STARD3: variants seen among roughly 807,000 people sequenced by gnomAD.
STARD3 encodes stAR-related lipid transfer protein 3.
In STARD3, 39 loss-of-function variants were observed where a neutral mutation model predicts 62.0. The observed-to-expected ratio is 0.63, with a 90% CI of 0.49 to 0.82. STARD3 has a LOEUF of 0.82. STARD3 is among the 40% of genes least tolerant of loss of function. STARD3 has a pLI of 0.00. For synonymous variants in STARD3, 229 were observed against 242.4 expected (o/e 0.94, Z 0.51); for missense variants, 543 against 584.5 (o/e 0.93, Z 0.73).
chr17:39,662,757 T>A, intron 14 of STARD3, 47 bp from the exon 15 acceptor site: 1 of 1,539,720 alleles, frequency 6.5e-7, no homozygotes, highest in Non-Finnish European at 8.8e-7. Flanking sequence ...GGGGAGACCC[T>A]GCTGAGGGCA....
chr17:39,661,075 A>G lies in STARD3; in HGVS notation c.1129A>G (p.Lys377Glu), dbSNP rs147310768. 91 of 1,613,414 alleles carry G rather than the reference A, an allele frequency of 5.6e-5. No individual in the cohort carries two copies. The highest frequency in any genetic ancestry group is 7.4e-5 in the Non-Finnish European group (87 of 1,180,002). The change falls in exon 13 of 15, where the codon AAA (lysine) becomes GAA (glutamate). Residue 377 changes from lysine to glutamate, a missense_variant. Transcript: ENST00000336308. ...TSHSAKPPTH[K>E]YVRGENGPGG... ...ACACAGTGCCAAGCCCCCGACGCACAAATATGTCCGGTGAGCCTCACTTTG... is the reference window on the plus strand; with the variant it reads ...ACACAGTGCCAAGCCCCCGACGCACGAATATGTCCGGTGAGCCTCACTTTG...
At chr17:39,662,778 T>C in intron 14 of STARD3, 26 bp from the exon 15 acceptor site, 3 of 1,592,182 alleles carry the variant, frequency 1.9e-6, no homozygotes, top group South Asian at 1.1e-5. Flanking sequence ...GGCCATCAAG[T>C]GTGACTTCTG....
intron 1 of STARD3, among the ~76,000 whole-genome samples, chr17:39,644,362 A>T (rs1393997367): frequency 2.6e-5 from 4 of 152,108 alleles, no homozygotes; most frequent in Admixed American, 2.0e-4. Context: ...GTGGTAGTTA[A>T]TGTCTATGTG....
At chr17:39,647,220 C>A (rs920909225) in intron 1 of STARD3, among the ~76,000 whole-genome samples, 53 of 149,752 alleles carry the variant, frequency 3.5e-4, no homozygotes, top group African/African-American at 1.2e-3. Context: ...AAAAAAAAAA[C>A]CCTCCACTTT....
At chr17:39,658,212 G>T in intron 5 of STARD3, 186 bp downstream of exon 5, 1 of 844,048 alleles carries the variant, frequency 1.2e-6, no homozygotes. Context: ...GCCCCTTGCA[G>T]CTCTAGGAAT....
At chr17:39,639,521 C>A (rs188344108) in intron 1 of STARD3, among the ~76,000 whole-genome samples, 83 of 152,330 alleles carry the variant, frequency 5.4e-4, no homozygotes, top group African/African-American at 1.9e-3. Context: ...CTGGAGTGGG[C>A]TCAGAGATCA....
In STARD3 at chr17:39,661,062, GC is replaced by G; in HGVS notation, c.1121del (p.Pro374ArgfsTer121). 1.2e-6 allele frequency: 2 copies of G among 1,613,646 alleles called. No homozygotes were observed. The highest frequency in any genetic ancestry group is 1.3e-5 in the African/African-American group (1 of 75,038). On this transcript the variant is annotated frameshift_variant, in exon 13 of 15. Coordinates refer to ENST00000336308, the MANE Select transcript of STARD3 (RefSeq NM_006804.4). LOFTEE classifies it high-confidence loss of function. ...GGATCGCCACCTCACACAGTGCCAA[GC>G]CCCCGACGCACAAATATGTCCGGTG... ...SGIATSHSAK[P>X]PTHKYVRGEN...
chr17:39,663,306 CG>C lies in STARD3; in HGVS notation c.*400del. The C allele has an allele frequency of 2.6e-6, 1 of 382,228 alleles. No individual in the cohort carries two copies. Among genetic ancestry groups the C allele is most frequent in the Non-Finnish European group, 4.6e-6 (1 of 216,100 alleles). The allele number at this position is 382,228 out of a possible 1,614,324, so 23.7% of individuals were successfully genotyped here. On this transcript the variant is annotated 3_prime_UTR_variant, in exon 15 of 15. Coordinates refer to ENST00000336308, the MANE Select transcript of STARD3 (RefSeq NM_006804.4). ...GCTCTTCATCTGCCTGCGCTCTCGT[CG>C]GTTTTTTTAGGATTATTGAAAGAGT...
chr17:39,658,117 G>T, intron 5 of STARD3, 91 bp downstream of exon 5: 1 of 1,384,702 alleles, frequency 7.2e-7, no homozygotes. Context: ...TGGGGTGTCT[G>T]TCCCTGTTGT....
At position 39,662,918 on chromosome 17, in the gene STARD3, C is replaced by G; in HGVS notation, c.*10C>G. ...GGGGGCCCGGGCGTGACTGTGCCCC[C>G]TCCCACCCTGCGGGCCAGGGTCCTG... On this transcript the variant is annotated 3_prime_UTR_variant, in exon 15 of 15. Transcript: ENST00000336308. 3 of 1,606,088 alleles carry G rather than the reference C, an allele frequency of 1.9e-6. No homozygotes were observed. Among genetic ancestry groups the G allele is most frequent in the South Asian group, 2.2e-5 (2 of 90,180 alleles).
Position 39,653,574 on chromosome 17 carries a change from A to G in STARD3, c.43A>G (p.Ser15Gly). Residue 15 changes from serine to glycine, a missense_variant, in exon 2 of 15, where the codon AGC becomes GGC. Coordinates refer to ENST00000336308, the MANE Select transcript of STARD3 (RefSeq NM_006804.4). The part of the protein sequence containing the change: ...PRELTRDLER[S>G]LPAVASLGSS... ...GGAGCTGACCCGAGACTTGGAGCGC[A>G]GCCTGCCTGCCGTGGCCTCCCTGGG... 6.2e-7 allele frequency: 1 copy of G among 1,609,106 alleles called. No individual in the cohort carries two copies. The highest frequency in any genetic ancestry group is 8.5e-7 in the Non-Finnish European group (1 of 1,179,978).
intron 1 of STARD3, among the ~76,000 whole-genome samples, chr17:39,639,400 GTA>G (rs1171184552): frequency 1.3e-5 from 2 of 152,216 alleles, no homozygotes; most frequent in African/African-American, 4.8e-5. Flanking sequence ...CTAGAGAAAT[GTA>G]TAGATCTGGG....
intron 1 of STARD3, among the ~76,000 whole-genome samples, chr17:39,640,356 TG>T (rs1211685603): frequency 1.9e-4 from 29 of 152,286 alleles, no homozygotes; most frequent in African/African-American, 7.0e-4. Context: ...GAAACTGCCT[TG>T]GGGTCCCAGC....
At position 39,659,508 on chromosome 17, in the gene STARD3, C is replaced by T; in HGVS notation, c.750C>T (p.Asp250=). The change falls in exon 9 of 15, where the codon GAC becomes GAT. Residue 250 remains aspartate, a synonymous_variant. Transcript: ENST00000336308. The part of the protein sequence containing the change: ...RQGKEATAVV[D]QILAQEENWK... ...GGAAGGAGGCCACGGCAGTGGTGGA[C>T]CAGATCTTGGCCCAGGAAGAGAACT... 1 of 1,614,122 alleles carries T rather than the reference C, an allele frequency of 6.2e-7. No individual in the cohort carries two copies. The highest frequency in any genetic ancestry group is 8.5e-7 in the Non-Finnish European group (1 of 1,180,024).
chr17:39,640,819 G>T (rs1449845574), intron 1 of STARD3, among the ~76,000 whole-genome samples: 3 of 152,186 alleles, frequency 2.0e-5, no homozygotes, highest in Non-Finnish European at 4.4e-5. Flanking sequence ...CTCCCCGGCT[G>T]GGGGGAGAAG....
At chr17:39,638,336 T>C in intron 1 of STARD3, among the ~76,000 whole-genome samples, 1 of 152,222 alleles carries the variant, frequency 6.6e-6, no homozygotes, top group East Asian at 1.9e-4. Context: ...TGATAACCTT[T>C]TTCTGGCTTT....
chr17:39,662,372 G>C (rs751319837), intron 14 of STARD3, 28 bp downstream of exon 14: 6 of 1,604,212 alleles, frequency 3.7e-6, no homozygotes, highest in African/African-American at 1.3e-5. Context: ...TGCCAGGTGG[G>C]TTCTGTGGAG....
chr17:39,662,435 G>A (rs2057210765), intron 14 of STARD3, 91 bp downstream of exon 14: 16 of 1,266,340 alleles, frequency 1.3e-5, no homozygotes, highest in Non-Finnish European at 1.7e-5. Flanking sequence ...GGGGCTCTCT[G>A]CCATGCCTGG....
At chr17:39,645,133 G>A (rs557723047) in intron 1 of STARD3, among the ~76,000 whole-genome samples, 1 of 152,312 alleles carries the variant, frequency 6.6e-6, no homozygotes, top group African/African-American at 2.4e-5. Flanking sequence ...TTCCCTGGGT[G>A]GGAGCTTGCA....
Sources: gnomAD v4.1 joint callset for allele counts (sites outside exome capture counted in the v4.1 genomes callset) on GRCh38, gnomAD v4.1.1 for gene constraint, MANE v1.5 for transcripts, NCBI Gene and HGNC (gene_info 2026-07-23, HGNC 2026-07-21) for gene names.